The following PCDHA7 variants were observed in gnomAD, a reference collection of about 807,000 sequenced individuals.
The protein encoded by PCDHA7 is protocadherin alpha 7, also known as protocadherin alpha-7.
PCDHA7 carries 37 observed loss-of-function variants against 57.2 expected under a neutral mutation model. That is an observed-to-expected ratio of 0.65 (90% CI 0.50 to 0.85). The LOEUF (loss-of-function observed/expected upper bound fraction) is 0.85, where lower values mean the gene tolerates loss of function less well. Among genes scored for constraint, PCDHA7 ranks in the 40% least tolerant of loss-of-function variants. The probability of loss-of-function intolerance (pLI) is 0.00; values close to 1 mark genes in which losing one functional copy is unlikely to be tolerated. For synonymous variants in PCDHA7, 553 were observed against 558.8 expected (o/e 0.99, Z 0.15); for missense variants, 1,188 against 1,241.8 (o/e 0.96, Z 0.65).
At chr5:140,884,977 A>C (rs782168505) in intron 1 of PCDHA7, among the ~76,000 whole-genome samples, 19 of 152,222 alleles carry the variant, frequency 1.2e-4, no homozygotes, top group Admixed American at 5.2e-4. Context: ...GAGAACTTAA[A>C]CATTTAGAAA....
At chr5:140,892,666 A>G (rs2063614919) in intron 1 of PCDHA7, among the ~76,000 whole-genome samples, 1 of 152,170 alleles carries the variant, frequency 6.6e-6, no homozygotes, top group Admixed American at 6.6e-5. Flanking sequence ...TGACATTTTG[A>G]TACATATATA....
At chr5:140,841,225 C>T (rs1777101106) in intron 1 of PCDHA7, 1 of 1,448,206 alleles carries the variant, frequency 6.9e-7, no homozygotes, top group Non-Finnish European at 9.3e-7. Context: ...GGCCGAACAA[C>T]GGGAGATGCA....
At chr5:140,930,785 A>G (rs1485024316) in intron 1 of PCDHA7, among the ~76,000 whole-genome samples, 1 of 152,248 alleles carries the variant, frequency 6.6e-6, no homozygotes, top group Admixed American at 6.5e-5. Context: ...TTTTCACAAT[A>G]TAATAGAATC....
chr5:140,938,118 T>G (rs1554211986), intron 1 of PCDHA7, among the ~76,000 whole-genome samples: 1 of 152,178 alleles, frequency 6.6e-6, no homozygotes. Context: ...TCTCTCTTTT[T>G]TTAAAAAAAT....
intron 1 of PCDHA7, chr5:140,883,049 G>A: frequency 6.2e-7 from 1 of 1,614,182 alleles, no homozygotes; most frequent in South Asian, 1.1e-5. Context: ...TGGAACATTA[G>A]TGATCAAGCT....
chr5:140,858,413 A>G lies in PCDHA7; in HGVS notation c.2355+21675A>G, dbSNP rs150984635. 3.9e-4 allele frequency: 609 copies of G among 1,562,348 alleles called. 39 individuals are homozygous for G. The African/African-American group carries it at 7.5e-3, about 19-fold the overall frequency. On this transcript the variant is annotated intron_variant, in intron 1 of 3. Transcript: ENST00000525929. Reference sequence around the variant, plus strand: ...AGATGTGGACGGGGAAGATCAGTCTATTGGAGGGGACCACTCTAGGAAGGT... The same window carrying G: ...AGATGTGGACGGGGAAGATCAGTCTGTTGGAGGGGACCACTCTAGGAAGGT...
intron 1 of PCDHA7, among the ~76,000 whole-genome samples, chr5:140,972,103 CA>C (rs1388508761): frequency 2.0e-5 from 3 of 152,104 alleles, no homozygotes; most frequent in Non-Finnish European, 4.4e-5. Context: ...GGCATAGAAG[CA>C]GGTAACAAAT....
chr5:140,841,817 T>G lies in PCDHA7; in HGVS notation c.2355+5079T>G, dbSNP rs142905144. On this transcript the variant is annotated intron_variant, in intron 1 of 3. Coordinates refer to ENST00000525929, the MANE Select transcript of PCDHA7 (RefSeq NM_018910.3). ...GTCCGATGCAGATGTTGGAGCTAAC[T>G]CCGTGTTAACCTACAGGCTTAGCTC... 5.3e-5 allele frequency: 85 copies of G among 1,613,922 alleles called. No individual in the cohort carries two copies. The African/African-American group carries it at 1.1e-3, about 20-fold the overall frequency.
chr5:140,965,353 A>C (rs1255008521), intron 1 of PCDHA7, among the ~76,000 whole-genome samples: 1 of 152,172 alleles, frequency 6.6e-6, no homozygotes, highest in Non-Finnish European at 1.5e-5. Flanking sequence ...TTGCCTCTAT[A>C]GCAGTACAAG....
chr5:140,928,917 G>A (rs181013464), intron 1 of PCDHA7: 4 of 1,614,134 alleles, frequency 2.5e-6, no homozygotes, highest in Admixed American at 1.7e-5. Context: ...AACCAGGAGG[G>A]CAGCTTTCTG....
chr5:140,981,791 C>G (rs564396430), intron 2 of PCDHA7, among the ~76,000 whole-genome samples: 2 of 152,000 alleles, frequency 1.3e-5, no homozygotes, highest in Non-Finnish European at 2.9e-5. Flanking sequence ...GTTCTCTTTT[C>G]CCTTGAACAG....
intron 1 of PCDHA7, chr5:140,860,149 A>ATG (rs1239190968): frequency 6.7e-6 from 1 of 150,348 alleles, no homozygotes; most frequent in East Asian, 1.9e-4. Context: ...ATATGTATAT[A>ATG]TGTGTATATA....
In PCDHA7 at chr5:140,842,604, G is replaced by A. The variant is rs1254196927; in HGVS notation, c.2355+5866G>A. 5 of 1,550,084 alleles carry A rather than the reference G, an allele frequency of 3.2e-6. No homozygotes were observed. The highest frequency in any genetic ancestry group is 1.1e-5 in the South Asian group (1 of 89,394). The stretch of plus-strand genomic sequence containing the variant: ...GCCTATGAGTTGGTGGTAACCGCGC[G>A]GGACGGGGGCTCGCCTTCGCTGTGG... On this transcript the variant is annotated intron_variant, in intron 1 of 3. Coordinates refer to ENST00000525929, the MANE Select transcript of PCDHA7 (RefSeq NM_018910.3).
chr5:140,952,221 C>T (rs991982346), intron 1 of PCDHA7, among the ~76,000 whole-genome samples: 1 of 151,940 alleles, frequency 6.6e-6, no homozygotes, highest in Non-Finnish European at 1.5e-5. Flanking sequence ...TTTCCAGGCA[C>T]AGTGTGCAAG....
At chr5:140,911,663 T>G (rs2075591717) in intron 1 of PCDHA7, among the ~76,000 whole-genome samples, 1 of 152,206 alleles carries the variant, frequency 6.6e-6, no homozygotes, top group Non-Finnish European at 1.5e-5. Context: ...CTAAACTCCT[T>G]GCCTCTCACG....
chr5:141,006,944 A>G (rs2098295543), intron 3 of PCDHA7, among the ~76,000 whole-genome samples: 1 of 152,202 alleles, frequency 6.6e-6, no homozygotes, highest in African/African-American at 2.4e-5. Context: ...GATACCAGAT[A>G]GGCAGTTATA....
intron 1 of PCDHA7, among the ~76,000 whole-genome samples, chr5:140,900,751 G>A (rs781973754): frequency 1.3e-5 from 2 of 152,060 alleles, no homozygotes; most frequent in African/African-American, 2.4e-5. Context: ...GGATCACTTG[G>A]TAGCTCTATT....
At chr5:140,948,897 T>C (rs1487067374) in intron 1 of PCDHA7, among the ~76,000 whole-genome samples, 1 of 151,680 alleles carries the variant, frequency 6.6e-6, no homozygotes. Context: ...AGATTTTAAG[T>C]GGATTCTTAG....
chr5:140,928,152 T>G, intron 1 of PCDHA7: 1 of 1,614,200 alleles, frequency 6.2e-7, no homozygotes, highest in East Asian at 2.2e-5. Context: ...CCTCAGATAG[T>G]GGCTCACCCC....
Sources: gnomAD v4.1 joint callset for allele counts (sites outside exome capture counted in the v4.1 genomes callset) on GRCh38, gnomAD v4.1.1 for gene constraint, MANE v1.5 for transcripts, NCBI Gene and HGNC (gene_info 2026-07-23, HGNC 2026-07-21) for gene names.